Variants in MACROD1 observed in about 807,000 individuals in gnomAD.
The protein encoded by MACROD1 is ADP-ribose glycohydrolase MACROD1.
A neutral mutation model predicts 41.4 loss-of-function variants in MACROD1; 31 were observed. The observed-to-expected ratio is 0.75, with a 90% CI of 0.56 to 1.01. The LOEUF (loss-of-function observed/expected upper bound fraction) is 1.01, where lower values mean the gene tolerates loss of function less well. Ranked by LOEUF, MACROD1 falls within the 50% of genes least tolerant of loss-of-function variation. The pLI, the probability that MACROD1 is intolerant of heterozygous loss-of-function variation, is 0.00. For missense variants in MACROD1, 473 were observed against 460.0 expected, an observed-to-expected ratio of 1.03 and a Z score of -0.26; for synonymous variants, 252 against 203.4, an observed-to-expected ratio of 1.24 and a Z score of -2.03.
intron 1 of MACROD1, among the ~76,000 whole-genome samples, chr11:64,159,800 A>T (rs1010521507): frequency 4.6e-5 from 7 of 152,238 alleles, no homozygotes; most frequent in African/African-American, 1.4e-4. Flanking sequence ...GTCTCAAAAA[A>T]AATTAAAAAA....
chr11:64,148,697 G>A (rs1490839167), intron 3 of MACROD1: 3 of 979,324 alleles, frequency 3.1e-6, no homozygotes, highest in Non-Finnish European at 3.6e-6. Flanking sequence ...AAGCACATAT[G>A]GGTTTCACGA....
intron 5 of MACROD1, 151 bp from the exon 6 acceptor site, chr11:63,999,914 C>T: frequency 1.1e-6 from 1 of 920,192 alleles, no homozygotes; most frequent in Non-Finnish European, 1.6e-6. Context: ...CCTGTGGGCC[C>T]CCTCGAGCCC....
chr11:64,081,060 C>G (rs1177803609), intron 3 of MACROD1, among the ~76,000 whole-genome samples: 2 of 152,166 alleles, frequency 1.3e-5, no homozygotes, highest in African/African-American at 4.8e-5. Context: ...CTTGCCCTGT[C>G]CCCTAGGCTG....
intron 3 of MACROD1, among the ~76,000 whole-genome samples, chr11:64,024,702 C>T (rs750200091): frequency 1.4e-4 from 22 of 152,106 alleles, no homozygotes; most frequent in South Asian, 4.1e-4. Flanking sequence ...GGAGCCTTGG[C>T]GGGTGGGAGG....
intron 3 of MACROD1, among the ~76,000 whole-genome samples, chr11:64,050,589 CAGTG>C (rs1373695350): frequency 2.6e-5 from 4 of 152,238 alleles, no homozygotes; most frequent in Admixed American, 1.3e-4. Context: ...GCCTGGCACA[CAGTG>C]AGGGCTGTCC....
intron 3 of MACROD1, among the ~76,000 whole-genome samples, chr11:64,127,995 A>C (rs181907649): frequency 6.6e-6 from 1 of 152,340 alleles, no homozygotes; most frequent in Admixed American, 6.5e-5. Context: ...ATCTGATTTC[A>C]TGTCTGGATA....
intron 3 of MACROD1, among the ~76,000 whole-genome samples, chr11:64,065,520 T>G (rs1382955968): frequency 6.6e-6 from 1 of 152,184 alleles, no homozygotes; most frequent in African/African-American, 2.4e-5. Flanking sequence ...CCAGGCGCGG[T>G]GGCTCATGCC....
At chr11:64,005,594 C>G (rs781480342) in intron 4 of MACROD1, among the ~76,000 whole-genome samples, 9 of 152,242 alleles carry the variant, frequency 5.9e-5, no homozygotes, top group Non-Finnish European at 1.0e-4. Context: ...GGCCCTGCCT[C>G]TCAGGTGCCG....
At chr11:64,030,592 CACA>C (rs1565200841) in intron 3 of MACROD1, among the ~76,000 whole-genome samples, 1 of 152,270 alleles carries the variant, frequency 6.6e-6, no homozygotes, top group South Asian at 2.1e-4. Context: ...AGGAAGCAAA[CACA>C]ACGCCAGAGA....
At chr11:64,000,038 C>T (rs1942793259) in intron 5 of MACROD1, 189 bp downstream of exon 5, 2 of 632,412 alleles carry the variant, frequency 3.2e-6, no homozygotes, top group Admixed American at 3.0e-5. Flanking sequence ...CATCCTCAGC[C>T]TCCACGCACG....
chr11:64,093,845 A>G (rs7941785), intron 3 of MACROD1, among the ~76,000 whole-genome samples: 90,974 of 152,008 alleles, frequency 0.6, 27,670 homozygotes, highest in Middle Eastern at 0.76. Flanking sequence ...CCTTCAATAT[A>G]CCATTGATTC....
chr11:64,009,861 A>G (rs1458875747), intron 4 of MACROD1, among the ~76,000 whole-genome samples: 1 of 152,220 alleles, frequency 6.6e-6, no homozygotes, highest in East Asian at 1.9e-4. Flanking sequence ...CGGGCCCCAA[A>G]GCCCTGCAGG....
chr11:64,062,828 G>A (rs1456826449), intron 3 of MACROD1, among the ~76,000 whole-genome samples: 2 of 152,166 alleles, frequency 1.3e-5, no homozygotes, highest in Admixed American at 6.5e-5. Context: ...TCACACAGCA[G>A]GGGCAGAACT....
In MACROD1 at chr11:64,146,378, G is replaced by A. The variant is rs1945495768; in HGVS notation, c.517+4861C>T. Among the ~76,000 whole-genome samples the A allele has an allele frequency of 6.6e-6, 1 of 152,176 alleles. No individual in the cohort carries two copies. The highest frequency in any genetic ancestry group is 1.5e-5 in the Non-Finnish European group (1 of 68,014). On this transcript the variant is annotated intron_variant, in intron 3 of 10. Transcript: ENST00000255681. This position sits in a 1 kb window ranked among gnomAD's most constrained non-coding sequence, Gnocchi z 4.7. The stretch of plus-strand genomic sequence containing the variant: ...CCTCCAGAAGAGGGGGCCTGCGGGG[G>A]CTCCCTGGCTTATCTCCTGCACATG...
At chr11:64,110,960 G>C (rs572722123) in intron 3 of MACROD1, among the ~76,000 whole-genome samples, 4 of 152,332 alleles carry the variant, frequency 2.6e-5, no homozygotes, top group East Asian at 1.9e-4. Flanking sequence ...CCTTGGGGAG[G>C]GGGGCGGCAG....
chr11:64,147,722 C>T (rs1345181671), intron 3 of MACROD1, among the ~76,000 whole-genome samples: 1 of 144,740 alleles, frequency 6.9e-6, no homozygotes, highest in African/African-American at 2.6e-5. Flanking sequence ...TCGTACCTGG[C>T]CCAGAATCTG....
intron 3 of MACROD1, among the ~76,000 whole-genome samples, chr11:64,037,067 C>A (rs1329461620): frequency 6.6e-6 from 1 of 151,718 alleles, no homozygotes; most frequent in Non-Finnish European, 1.5e-5. Context: ...GAGAATACAG[C>A]CCAGCTGGGG....
chr11:64,100,483 G>A (rs1229889866), intron 3 of MACROD1, among the ~76,000 whole-genome samples: 1 of 152,228 alleles, frequency 6.6e-6, no homozygotes, highest in African/African-American at 2.4e-5. Flanking sequence ...GGGAGGCCAA[G>A]GCGAGGAGTG....
Position 64,120,851 on chromosome 11 carries a change from C to A in MACROD1, c.517+30388G>T, listed in dbSNP as rs1345968149. On this transcript the variant is annotated intron_variant, in intron 3 of 10. Transcript: ENST00000255681. The surrounding 1 kb of genome is among the most constrained non-coding windows in gnomAD (Gnocchi z 4.5). Reference sequence around the variant, plus strand: ...CTGATTCTAAAATGAGACCACCCCTCCCTGAAGGGCACCACTCTGATCACT... The same window carrying A: ...CTGATTCTAAAATGAGACCACCCCTACCTGAAGGGCACCACTCTGATCACT... Among the ~76,000 whole-genome samples the A allele has an allele frequency of 1.3e-5, 2 of 152,148 alleles. No homozygotes were observed. Among genetic ancestry groups the A allele is most frequent in the Non-Finnish European group, 2.9e-5 (2 of 68,016 alleles).
Sources: gnomAD v4.1 joint callset for allele counts (sites outside exome capture counted in the v4.1 genomes callset) on GRCh38, gnomAD v4.1.1 for gene constraint, Gnocchi (gnomAD v3.1) non-coding constraint, MANE v1.5 for transcripts, NCBI Gene and HGNC (gene_info 2026-07-23, HGNC 2026-07-21) for gene names.